The following CRB1 variants were observed in gnomAD, a reference collection of about 807,000 sequenced individuals.
CRB1 encodes crumbs cell polarity complex component 1.
CRB1 carries 83 observed loss-of-function variants against 120.0 expected under a neutral mutation model. That is an observed-to-expected ratio of 0.69 (90% CI 0.58 to 0.83). The LOEUF (loss-of-function observed/expected upper bound fraction) is 0.83, where lower values mean the gene tolerates loss of function less well. Ranked by LOEUF, CRB1 falls within the 40% of genes least tolerant of loss-of-function variation. The probability of loss-of-function intolerance (pLI) is 0.00; values close to 1 mark genes in which losing one functional copy is unlikely to be tolerated. For missense variants in CRB1, 1,699 were observed against 1,687.6 expected, an observed-to-expected ratio of 1.01 and a Z score of -0.12; for synonymous variants, 625 against 612.5, an observed-to-expected ratio of 1.02 and a Z score of -0.30.
intron 1 of CRB1, among the ~76,000 whole-genome samples, chr1:197,294,655 C>G (rs1053597778): frequency 6.6e-6 from 1 of 152,044 alleles, no homozygotes; most frequent in Non-Finnish European, 1.5e-5. Flanking sequence ...TGGAACCAAC[C>G]CAAATGTCCA....
the CRB1 span, among the ~76,000 whole-genome samples, chr1:197,209,794 T>TA: frequency 6.6e-6 from 1 of 152,228 alleles, no homozygotes; most frequent in Admixed American, 6.5e-5. Context: ...CTCAGCTCTC[T>TA]AAATTTGTCT....
intron 1 of CRB1, among the ~76,000 whole-genome samples, chr1:197,290,920 T>G (rs1656137690): frequency 6.6e-6 from 1 of 151,826 alleles, no homozygotes; most frequent in African/African-American, 2.4e-5. Context: ...ACTAAATGTA[T>G]TTTTAATTGT....
the CRB1 span, among the ~76,000 whole-genome samples, chr1:197,251,941 T>G: frequency 2.0e-5 from 3 of 152,068 alleles, no homozygotes; most frequent in Non-Finnish European, 4.4e-5. Flanking sequence ...TACCAGAAAT[T>G]GAACTAGGTT....
chr1:197,280,104 CAT>C (rs1425305600), intron 1 of CRB1, among the ~76,000 whole-genome samples: 1 of 151,754 alleles, frequency 6.6e-6, no homozygotes, highest in Non-Finnish European at 1.5e-5. Context: ...TTCACACAAC[CAT>C]ATCACACGGT....
intron 1 of CRB1, 103 bp downstream of exon 1, chr1:197,268,585 A>C: frequency 1.0e-6 from 1 of 955,328 alleles, no homozygotes; most frequent in Non-Finnish European, 1.7e-6. Flanking sequence ...ATACAATGCT[A>C]AAAAAGGAAG....
intron 5 of CRB1, among the ~76,000 whole-genome samples, chr1:197,362,169 AT>A (rs1482056669): frequency 6.6e-6 from 1 of 151,846 alleles, no homozygotes; most frequent in East Asian, 1.9e-4. Flanking sequence ...TCTGTTATTG[AT>A]TTTCAGTTTG....
At chr1:197,405,758 T>A (rs1477344940) in intron 5 of CRB1, among the ~76,000 whole-genome samples, 1 of 148,670 alleles carries the variant, frequency 6.7e-6, no homozygotes, top group Non-Finnish European at 1.5e-5. Context: ...ACCCTCCGCC[T>A]GGCAACCGCC....
intron 6 of CRB1, among the ~76,000 whole-genome samples, chr1:197,422,388 G>T: frequency 6.6e-6 from 1 of 150,866 alleles, no homozygotes; most frequent in South Asian, 2.1e-4. Flanking sequence ...GTAAATTCTC[G>T]GTAAATATTC....
intron 11 of CRB1, among the ~76,000 whole-genome samples, chr1:197,451,175 A>G (rs1423874885): frequency 6.6e-6 from 1 of 152,180 alleles, no homozygotes; most frequent in Non-Finnish European, 1.5e-5. Context: ...AGAATACTTA[A>G]GCACTGATTG....
chr1:197,304,440 A>G (rs1657050385), intron 1 of CRB1: 1 of 942,386 alleles, frequency 1.1e-6, no homozygotes, highest in Non-Finnish European at 1.3e-6. Flanking sequence ...GTTCAGGTGT[A>G]TTCTCACTTA....
chr1:197,329,183 C>A (rs190946211), intron 2 of CRB1, among the ~76,000 whole-genome samples, 180 bp downstream of exon 2: 1 of 152,316 alleles, frequency 6.6e-6, no homozygotes, highest in East Asian at 1.9e-4. Flanking sequence ...GCACTGAATT[C>A]TAAGTGGTTG....
intron 1 of CRB1, among the ~76,000 whole-genome samples, chr1:197,306,852 C>A (rs1196682881): frequency 6.6e-6 from 1 of 152,094 alleles, no homozygotes; most frequent in African/African-American, 2.4e-5. Context: ...TGAAGCAGGG[C>A]AAATGCAATT....
the CRB1 span, among the ~76,000 whole-genome samples, chr1:197,261,747 A>G: frequency 6.6e-6 from 1 of 152,238 alleles, no homozygotes; most frequent in African/African-American, 2.4e-5. Context: ...TATGTAATTA[A>G]CAATAAATAC....
intron 10 of CRB1, chr1:197,440,157 C>T (rs962862467): frequency 6.6e-6 from 1 of 152,132 alleles, no homozygotes; most frequent in Admixed American, 6.6e-5. Flanking sequence ...AGTAATCCAA[C>T]TATTGTCAAG....
At chr1:197,274,781 T>G (rs748050155) in intron 1 of CRB1, among the ~76,000 whole-genome samples, 1 of 152,212 alleles carries the variant, frequency 6.6e-6, no homozygotes, top group Non-Finnish European at 1.5e-5. Context: ...TTTTTATTAC[T>G]GAAAAATATT....
the CRB1 span, among the ~76,000 whole-genome samples, chr1:197,211,969 A>G: frequency 6.6e-6 from 1 of 152,168 alleles, no homozygotes; most frequent in Non-Finnish European, 1.5e-5. Context: ...TATAAAATGA[A>G]AAAAATATTT....
intron 1 of CRB1, among the ~76,000 whole-genome samples, chr1:197,280,354 G>T (rs183416799): frequency 5.9e-4 from 90 of 151,982 alleles, no homozygotes; most frequent in Non-Finnish European, 3.7e-4. Flanking sequence ...GGTTCCACCT[G>T]TGAATAATAA....
the CRB1 span, among the ~76,000 whole-genome samples, chr1:197,240,159 A>G: frequency 6.6e-6 from 1 of 152,028 alleles, no homozygotes; most frequent in Non-Finnish European, 1.5e-5. Flanking sequence ...TTTGCTTACC[A>G]TGTCTTTCTT....
intron 5 of CRB1, among the ~76,000 whole-genome samples, chr1:197,410,688 A>T (rs1338389048): frequency 6.6e-6 from 1 of 152,244 alleles, no homozygotes; most frequent in Non-Finnish European, 1.5e-5. Flanking sequence ...TTTTCCACTT[A>T]TAAATTCTCT....
Sources: allele counts gnomAD v4.1 joint callset (sites outside exome capture counted in the v4.1 genomes callset), GRCh38; gene constraint gnomAD v4.1.1; transcripts MANE v1.5; gene names NCBI Gene and HGNC (gene_info 2026-07-23, HGNC 2026-07-21).